Variants in ADCY3 observed in about 807,000 individuals in gnomAD.
The protein encoded by ADCY3 is adenylate cyclase type 3.
A neutral mutation model predicts 119.4 loss-of-function variants in ADCY3; 70 were observed. That is an observed-to-expected ratio of 0.59 (90% CI 0.48 to 0.72). ADCY3 has a LOEUF of 0.72. Among genes scored for constraint, ADCY3 ranks in the 30% least tolerant of loss-of-function variants. ADCY3 has a pLI of 0.00. For missense variants in ADCY3, 1,238 were observed against 1,541.6 expected, an observed-to-expected ratio of 0.80 and a Z score of 3.30; for synonymous variants, 672 against 621.4, an observed-to-expected ratio of 1.08 and a Z score of -1.21.
chr2:24,896,468 CT>C (rs371582122), intron 2 of ADCY3, among the ~76,000 whole-genome samples: 230 of 151,280 alleles, frequency 1.5e-3, no homozygotes, highest in African/African-American at 5.2e-3. Context: ...CTATTGACCA[CT>C]TTTTTTTTGT....
At position 24,842,125 on chromosome 2, in the gene ADCY3, T is replaced by C; in HGVS notation, c.956+129A>G. ...CAGCTTCCTCCGCCAGGCTGATGAA[T>C]GCTGTGGGAGGCCTTGCTTCTAGTC... On this transcript the variant is annotated intron_variant, in intron 4 of 21. Coordinates refer to ENST00000679454, the MANE Select transcript of ADCY3 (RefSeq NM_004036.5). This position sits in a 1 kb window ranked among gnomAD's most constrained non-coding sequence, Gnocchi z 4.9. 1.5e-6 allele frequency: 2 copies of C among 1,326,668 alleles called. No homozygotes were observed. The highest frequency in any genetic ancestry group is 4.1e-5 in the Admixed American group (2 of 49,378). 82.2% of individuals were successfully genotyped at this position (1,326,668 alleles called of 1,614,324 possible).
chr2:24,864,640 G>A lies in ADCY3; in HGVS notation c.825+7930C>T, dbSNP rs535833622. 1.1e-4 allele frequency among the ~76,000 whole-genome samples: 17 copies of A among 152,258 alleles called. No homozygotes were observed. The South Asian group carries it at 2.3e-3, about 20-fold the overall frequency. On this transcript the variant is annotated intron_variant, in intron 3 of 21. Transcript: ENST00000679454. ...CAAAAAGGGACAAATACATGATTCCGCTTATATAAAGGACCTAGTAGAGGC... is the reference window on the plus strand; with the variant it reads ...CAAAAAGGGACAAATACATGATTCCACTTATATAAAGGACCTAGTAGAGGC...
Position 24,872,774 on chromosome 2 carries a change from A to G in ADCY3, c.676-55T>C. 2 of 1,587,458 alleles carry G rather than the reference A, an allele frequency of 1.3e-6. No homozygotes were observed. Among genetic ancestry groups the G allele is most frequent in the African/African-American group, 2.7e-5 (2 of 74,356 alleles). On this transcript the variant is annotated intron_variant, in intron 2 of 21. Coordinates refer to ENST00000679454, the MANE Select transcript of ADCY3 (RefSeq NM_004036.5). The surrounding 1 kb of genome is among the most constrained non-coding windows in gnomAD (Gnocchi z 4.4). ...CCAGGGGTGAAGGCACGTCTTCAGAAAAGGGGATGGAGAAGGGGATGGAGG... is the reference window on the plus strand; with the variant it reads ...CCAGGGGTGAAGGCACGTCTTCAGAGAAGGGGATGGAGAAGGGGATGGAGG...
In ADCY3 at chr2:24,919,180, T is replaced by C; in HGVS notation, c.-193A>G. The C allele has an allele frequency of 5.0e-6, 3 of 604,782 alleles. No individual in the cohort carries two copies. Among genetic ancestry groups the C allele is most frequent in the Non-Finnish European group, 8.7e-6 (3 of 344,390 alleles). 37.5% of individuals were successfully genotyped at this position (604,782 alleles called of 1,614,324 possible). Reference sequence around the variant, plus strand: ...CAGAGCACAGGTAGCACTGATCAGCTAGAACTGAAAAGGGCATTGCTGAGT... The same window carrying C: ...CAGAGCACAGGTAGCACTGATCAGCCAGAACTGAAAAGGGCATTGCTGAGT... On this transcript the variant is annotated 5_prime_UTR_variant, in exon 2 of 22. Coordinates refer to ENST00000679454, the MANE Select transcript of ADCY3 (RefSeq NM_004036.5). The surrounding 1 kb of genome is among the most constrained non-coding windows in gnomAD (Gnocchi z 5.5).
chr2:24,855,045 A>C (rs1291571909), intron 3 of ADCY3, among the ~76,000 whole-genome samples: 1 of 152,168 alleles, frequency 6.6e-6, no homozygotes, highest in African/African-American at 2.4e-5. Context: ...GCGAGCCTCC[A>C]TCCCGAAACA....
intron 2 of ADCY3, among the ~76,000 whole-genome samples, chr2:24,901,224 C>T (rs375458413): frequency 3.9e-5 from 6 of 152,186 alleles, no homozygotes; most frequent in African/African-American, 9.6e-5. Context: ...AATCAACTGA[C>T]GTTACACGTG....
chr2:24,831,932 T>TGGCCAGGGGCCAGG (rs572643276), intron 11 of ADCY3, among the ~76,000 whole-genome samples, 183 bp from the exon 12 acceptor site: 2 of 83,082 alleles, frequency 2.4e-5, no homozygotes, highest in South Asian at 1.0e-3. Flanking sequence ...CAGCGGACAG[T>TGGCCAGGGGCCAGG]GGCCAGGGGA....
rs1572837753 is a variant in ADCY3, at chr2:24,834,784, T to C, written c.1805+10A>G. ...AGTGGTGGGCCTGGACGCTTCCGGG[T>C]GGCGCTTACACTTGGGCGGACTCTC... On this transcript the variant is annotated intron_variant, in intron 10 of 21. Transcript: ENST00000679454. The surrounding 1 kb of genome is among the most constrained non-coding windows in gnomAD (Gnocchi z 4.2). 6.2e-7 allele frequency: 1 copy of C among 1,611,002 alleles called. No individual in the cohort carries two copies. Among genetic ancestry groups the C allele is most frequent in the East Asian group, 2.2e-5 (1 of 44,790 alleles).
At chr2:24,875,991 G>C (rs77721651) in intron 2 of ADCY3, among the ~76,000 whole-genome samples, 1 of 150,164 alleles carries the variant, frequency 6.7e-6, no homozygotes, top group African/African-American at 2.5e-5. Flanking sequence ...CTTTTTGGGA[G>C]GGGGGCGGTG....
At chr2:24,828,239 G>C in intron 13 of ADCY3, 78 bp from the exon 14 acceptor site, 2 of 1,522,134 alleles carry the variant, frequency 1.3e-6, no homozygotes, top group Non-Finnish European at 1.8e-6. Flanking sequence ...GTGCATGGTA[G>C]TGCACGCTCA....
intron 2 of ADCY3, among the ~76,000 whole-genome samples, chr2:24,902,034 CTGTGTGTGTGTGTGTGTGTG>C (rs57980321): frequency 2.5e-5 from 3 of 122,340 alleles, no homozygotes; most frequent in African/African-American, 6.4e-5. Flanking sequence ...CATTTTAACT[CTGTGTGTGTGTGTGTGTGTG>C]TGTGTGTGTG....
rs1670069613 is a variant in ADCY3, at chr2:24,834,768, C to T, written c.1805+26G>A. 3 of 1,608,378 alleles carry T rather than the reference C, an allele frequency of 1.9e-6. No homozygotes were observed. Among genetic ancestry groups the T allele is most frequent in the African/African-American group, 1.3e-5 (1 of 74,816 alleles). ...GTCAGGGCCCGGGAGGAGTGGTGGGCCTGGACGCTTCCGGGTGGCGCTTAC... is the reference window on the plus strand; with the variant it reads ...GTCAGGGCCCGGGAGGAGTGGTGGGTCTGGACGCTTCCGGGTGGCGCTTAC... On this transcript the variant is annotated intron_variant, in intron 10 of 21. Transcript: ENST00000679454. This position sits in a 1 kb window ranked among gnomAD's most constrained non-coding sequence, Gnocchi z 4.2.
chr2:24,872,669 C>A lies in ADCY3; in HGVS notation c.726G>T (p.Met242Ile), dbSNP rs779659532. 2.5e-6 allele frequency: 4 copies of A among 1,614,216 alleles called. No individual in the cohort carries two copies. Among genetic ancestry groups the A allele is most frequent in the African/African-American group, 2.7e-5 (2 of 75,052 alleles). ...LYLCAIAVGI[M>I]SYYMADRKHR... is the part of the protein sequence containing the mutation. ...GCTTGCGGTCAGCCATGTAGTAGGA[C>A]ATGATGCCCACAGCGATGGCGCACA... is the stretch of plus-strand genomic sequence containing the variant. Residue 242 changes from methionine to isoleucine, a missense_variant, in exon 3 of 22, where the codon ATG becomes ATT. Around this residue, in one of 7 missense-constraint regions of ADCY3, gnomAD observed 283 missense variants for 437.2 expected, o/e 0.65. Transcript: ENST00000679454. The surrounding 1 kb of genome is among the most constrained non-coding windows in gnomAD (Gnocchi z 4.4).
In ADCY3 at chr2:24,842,237, G is replaced by A. The variant is rs370231589; in HGVS notation, c.956+17C>T. On this transcript the variant is annotated intron_variant, in intron 4 of 21. Coordinates refer to ENST00000679454, the MANE Select transcript of ADCY3 (RefSeq NM_004036.5). The surrounding 1 kb of genome is among the most constrained non-coding windows in gnomAD (Gnocchi z 4.9). Reference sequence around the variant, plus strand: ...AGCCTGCTCTGCCATCAGAGCCCGCGCCCCGGGCCGGCGTACCTGACGTTC... The same window carrying A: ...AGCCTGCTCTGCCATCAGAGCCCGCACCCCGGGCCGGCGTACCTGACGTTC... 31 of 1,613,722 alleles carry A rather than the reference G, an allele frequency of 1.9e-5. No individual in the cohort carries two copies. The African/African-American group carries it at 2.8e-4, about 15-fold the overall frequency.
At chr2:24,870,397 G>A (rs1353817252) in intron 3 of ADCY3, among the ~76,000 whole-genome samples, 1 of 151,656 alleles carries the variant, frequency 6.6e-6, no homozygotes, top group Non-Finnish European at 1.5e-5. Context: ...AGTCCAAAGA[G>A]GGGCAGCAAC....
rs573075609 is a variant in ADCY3 at position 24,827,577 on chromosome 2, C to G, written c.2464G>C (p.Gly822Arg). The G allele has an allele frequency of 6.3e-7, 1 of 1,589,350 alleles. No individual in the cohort carries two copies. Among genetic ancestry groups the G allele is most frequent in the South Asian group, 1.1e-5 (1 of 87,862 alleles). ...LPMVALEQMQ[G>R]FNPGLNGTDR... Reference sequence around the variant, plus strand: ...GTGCCATTGAGCCCAGGGTTGAATCCTTGCATCTGCTCTAAGGCCACCATA... The same window carrying G: ...GTGCCATTGAGCCCAGGGTTGAATCGTTGCATCTGCTCTAAGGCCACCATA... Residue 822 changes from glycine to arginine, a missense_variant, in exon 15 of 22, where the codon GGA becomes CGA. By Grantham distance (125) the Gly-to-Arg change is moderately radical (BLOSUM62 -2). Around this residue, in one of 7 missense-constraint regions of ADCY3, gnomAD observed 499 missense variants for 571.0 expected, o/e 0.87. Coordinates refer to ENST00000679454, the MANE Select transcript of ADCY3 (RefSeq NM_004036.5).
At chr2:24,833,846 C>A (rs929845260) in intron 11 of ADCY3, among the ~76,000 whole-genome samples, 5 of 152,354 alleles carry the variant, frequency 3.3e-5, no homozygotes, top group Non-Finnish European at 7.3e-5. Context: ...GTCACACACC[C>A]GCAACCTTAG....
At chr2:24,885,180 T>G (rs1676889662) in intron 2 of ADCY3, among the ~76,000 whole-genome samples, 1 of 152,200 alleles carries the variant, frequency 6.6e-6, no homozygotes, top group Non-Finnish European at 1.5e-5. Context: ...GAGCACCACC[T>G]GCAGGTGCTC....
intron 12 of ADCY3, 135 bp from the exon 13 acceptor site, chr2:24,830,960 G>A (rs1001464249): frequency 3.0e-6 from 2 of 675,870 alleles, no homozygotes; most frequent in African/African-American, 3.6e-5. Context: ...GGAGTCACCT[G>A]ACAGCTGACC....
Sources: gnomAD v4.1 joint callset for allele counts (sites outside exome capture counted in the v4.1 genomes callset) on GRCh38, gnomAD v4.1.1 for gene constraint, gnomAD v4.1.1 regional missense constraint, Gnocchi (gnomAD v3.1) non-coding constraint, MANE v1.5 for transcripts, NCBI Gene and HGNC (gene_info 2026-07-23, HGNC 2026-07-21) for gene names.